Variants in SEMA5B observed in about 807,000 individuals in gnomAD.
SEMA5B encodes semaphorin-5B.
SEMA5B carries 66 observed loss-of-function variants against 135.0 expected under a neutral mutation model. The ratio of observed to expected loss-of-function variants is 0.49; its 90% CI spans 0.40 to 0.60. SEMA5B has a LOEUF of 0.60. Among genes scored for constraint, SEMA5B ranks in the 20% least tolerant of loss-of-function variants. The pLI, the probability that SEMA5B is intolerant of heterozygous loss-of-function variation, is 0.00. For missense variants in SEMA5B, 1,501 were observed against 1,566.3 expected (o/e 0.96, Z 0.70); for synonymous variants, 690 against 639.5 (o/e 1.08, Z -1.19).
At chr3:122,943,571 G>A (rs1241490942) in intron 3 of SEMA5B, 36 bp from the exon 4 acceptor site, 1 of 1,454,536 alleles carries the variant, frequency 6.9e-7, no homozygotes, top group Non-Finnish European at 9.6e-7. Context: ...GGTTACTGTT[G>A]GGCCAGAGGC....
At chr3:122,939,596 A>C (rs1055190087) in intron 4 of SEMA5B, 126 bp from the exon 5 acceptor site, 23 of 700,536 alleles carry the variant, frequency 3.3e-5, no homozygotes, top group Non-Finnish European at 3.4e-5. Flanking sequence ...GTCAACCCCT[A>C]AGGAGAGCTT....
chr3:122,990,852 A>C (rs1288256908), intron 1 of SEMA5B, among the ~76,000 whole-genome samples: 3 of 152,180 alleles, frequency 2.0e-5, no homozygotes, highest in African/African-American at 7.2e-5. Flanking sequence ...GATTTATTTC[A>C]TTATTGGTGC....
intron 2 of SEMA5B, 88 bp from the exon 3 acceptor site, chr3:122,948,797 G>A (rs976219495): frequency 5.8e-6 from 6 of 1,042,578 alleles, no homozygotes; most frequent in East Asian, 2.6e-5. Context: ...TGCCCCCACA[G>A]GATTTGAAAA....
At chr3:122,963,644 G>C (rs1048212704) in intron 1 of SEMA5B, among the ~76,000 whole-genome samples, 1 of 152,192 alleles carries the variant, frequency 6.6e-6, no homozygotes, top group Admixed American at 6.5e-5. Flanking sequence ...GTGTGTCGTT[G>C]GGGAGCCAGC....
intron 1 of SEMA5B, among the ~76,000 whole-genome samples, chr3:123,008,724 G>A (rs940053342): frequency 6.6e-6 from 1 of 152,206 alleles, no homozygotes; most frequent in African/African-American, 2.4e-5. Context: ...AGCCAGCTGA[G>A]TTAGGTGCAG....
intron 5 of SEMA5B, among the ~76,000 whole-genome samples, chr3:122,934,054 C>T (rs913900837): frequency 3.4e-5 from 5 of 145,560 alleles, no homozygotes; most frequent in Middle Eastern, 3.4e-3. Context: ...ATTACAGGTG[C>T]GCGCCACCAC....
chr3:122,994,504 G>T (rs960796348), intron 1 of SEMA5B, among the ~76,000 whole-genome samples: 1 of 152,198 alleles, frequency 6.6e-6, no homozygotes, highest in African/African-American at 2.4e-5. Flanking sequence ...GCCATGATGG[G>T]TGTGTGCTGA....
At chr3:123,004,051 T>C (rs953516479) in intron 1 of SEMA5B, among the ~76,000 whole-genome samples, 5 of 152,182 alleles carry the variant, frequency 3.3e-5, no homozygotes, top group African/African-American at 2.4e-5. Context: ...TATCCATTTA[T>C]GGCCCAACCC....
At chr3:123,000,975 C>T (rs529594034) in intron 1 of SEMA5B, among the ~76,000 whole-genome samples, 1 of 152,158 alleles carries the variant, frequency 6.6e-6, no homozygotes, top group Non-Finnish European at 1.5e-5. Context: ...GGCTTGGCCT[C>T]GTTTTGCAAG....
At chr3:123,021,064 C>G (rs1942663518) in intron 1 of SEMA5B, among the ~76,000 whole-genome samples, 1 of 152,238 alleles carries the variant, frequency 6.6e-6, no homozygotes, top group African/African-American at 2.4e-5. Flanking sequence ...GCTTTTACCA[C>G]AAGGACACTG....
At position 122,972,988 on chromosome 3, in the gene SEMA5B, A is replaced by C. The variant is rs143133275; in HGVS notation, c.-38-11687T>G. On this transcript the variant is annotated intron_variant, in intron 1 of 22. Transcript: ENST00000357599. ...CTGGATAAGGTCCCCAGCCACTGGG[A>C]GCTGGGAGCCTGGAAACTGTGGGAG... Among the ~76,000 whole-genome samples the C allele has an allele frequency of 2.5e-3, 375 of 152,324 alleles. 1 individual carries two copies. Among genetic ancestry groups the C allele is most frequent in the African/African-American group, 8.7e-3 (360 of 41,570 alleles).
intron 1 of SEMA5B, among the ~76,000 whole-genome samples, chr3:122,985,318 C>A (rs1941665015): frequency 6.6e-6 from 1 of 152,070 alleles, no homozygotes; most frequent in African/African-American, 2.4e-5. Context: ...TATAGCAAGA[C>A]CCTGTCTCTA....
At chr3:123,027,366 C>A (rs1248029763) in intron 1 of SEMA5B, 98 bp downstream of exon 1, 1 of 152,360 alleles carries the variant, frequency 6.6e-6, no homozygotes, top group Admixed American at 6.5e-5. Context: ...GAGCCCGGAC[C>A]CCTACCTCTC....
At chr3:122,979,200 T>C (rs927268885) in intron 1 of SEMA5B, among the ~76,000 whole-genome samples, 3 of 152,050 alleles carry the variant, frequency 2.0e-5, no homozygotes, top group African/African-American at 7.2e-5. Flanking sequence ...ACACCTTCGC[T>C]CTCAGGACAA....
intron 4 of SEMA5B, among the ~76,000 whole-genome samples, chr3:122,941,019 G>A (rs2107520792): frequency 6.6e-6 from 1 of 152,316 alleles, no homozygotes; most frequent in Non-Finnish European, 1.5e-5. Flanking sequence ...TCTCCTGGGA[G>A]CTGGAATATG....
intron 5 of SEMA5B, among the ~76,000 whole-genome samples, chr3:122,935,850 T>G (rs1939253039): frequency 6.6e-6 from 1 of 151,868 alleles, no homozygotes; most frequent in African/African-American, 2.4e-5. Flanking sequence ...CCCACCACCA[T>G]GCCCAGCTAA....
intron 15 of SEMA5B, 87 bp from the exon 16 acceptor site, chr3:122,913,768 G>T: frequency 6.4e-7 from 1 of 1,574,274 alleles, no homozygotes. Flanking sequence ...CGGAAAGGAC[G>T]AGAGTCCCCG....
rs1379797790 is a variant in SEMA5B at position 122,922,301 on chromosome 3, G to A, written c.1419C>T (p.His473=). ...CVTQDSVRFS[H]LVVDLVQAKD... is the part of the protein sequence containing the mutation. Reference sequence around the variant, plus strand: ...TAGCCTGCACCAGGTCCACCACGAGGTGTGAGAAGCGCACGCTGTCCTGGG... The same window carrying A: ...TAGCCTGCACCAGGTCCACCACGAGATGTGAGAAGCGCACGCTGTCCTGGG... Residue 473 remains histidine (H), a synonymous_variant, in exon 11 of 23, where the codon CAC becomes CAT. Coordinates refer to ENST00000357599, the MANE Select transcript of SEMA5B (RefSeq NM_001031702.4). 3 of 1,614,110 alleles carry A rather than the reference G, an allele frequency of 1.9e-6. No individual in the cohort carries two copies. The highest frequency in any genetic ancestry group is 1.7e-5 in the Admixed American group (1 of 60,026).
chr3:122,999,862 T>A (rs1942127936), intron 1 of SEMA5B, among the ~76,000 whole-genome samples: 1 of 151,934 alleles, frequency 6.6e-6, no homozygotes, highest in African/African-American at 2.4e-5. Flanking sequence ...CCACAACAGC[T>A]ATGGGGACAG....
Sources: gnomAD v4.1 joint callset for allele counts (sites outside exome capture counted in the v4.1 genomes callset) on GRCh38, gnomAD v4.1.1 for gene constraint, MANE v1.5 for transcripts, NCBI Gene and HGNC (gene_info 2026-07-23, HGNC 2026-07-21) for gene names.